CXCL13: variants seen among roughly 807,000 people sequenced by gnomAD.
The protein encoded by CXCL13 is C-X-C motif chemokine ligand 13, also known as C-X-C motif chemokine 13.
A neutral mutation model predicts 12.2 loss-of-function variants in CXCL13; 7 were observed. The ratio of observed to expected loss-of-function variants is 0.57; its 90% CI spans 0.33 to 1.07. The LOEUF is 1.07. Ranked by LOEUF, CXCL13 falls within the 50% of genes least tolerant of loss-of-function variation. The pLI is 0.04. For missense variants in CXCL13, 113 were observed against 127.4 expected, an observed-to-expected ratio of 0.89 and a Z score of 0.55; for synonymous variants, 47 against 42.4, an observed-to-expected ratio of 1.11 and a Z score of -0.42.
At chr4:77,604,056 T>C (rs1726948712), upstream of CXCL13, among the ~76,000 whole-genome samples, 1 of 152,170 alleles carries the variant, frequency 6.6e-6, no homozygotes, top group Non-Finnish European at 1.5e-5. Context: ...CTCAACTCTC[T>C]CTTAAAGAAA....
At chr4:77,582,119 G>A (rs1315422128) in intron 1 of CXCL13, among the ~76,000 whole-genome samples, 1 of 152,112 alleles carries the variant, frequency 6.6e-6, no homozygotes, top group East Asian at 1.9e-4. Context: ...AAAAGTCGGT[G>A]GAAAGTGGAT....
chr4:77,532,388 G>A (rs1472596758), intron 1 of CXCL13, among the ~76,000 whole-genome samples: 1 of 152,110 alleles, frequency 6.6e-6, no homozygotes, highest in Non-Finnish European at 1.5e-5. Flanking sequence ...CTCTCTTCTG[G>A]CTTATAGAAT....
chr4:77,524,832 G>C (rs1216558003), intron 1 of CXCL13, among the ~76,000 whole-genome samples: 1 of 152,130 alleles, frequency 6.6e-6, no homozygotes, highest in African/African-American at 2.4e-5. Context: ...GACTGGAGCT[G>C]TTCCTATTCA....
rs113567650 is a variant in CXCL13 at position 77,548,269 on chromosome 4, G to A, written c.-43+36481G>A. On this transcript the variant is annotated intron_variant, in intron 1 of 4. Coordinates refer to the CXCL13 transcript ENST00000286758. ...TATTCTGGATTCCAAACTCTCCTGC[G>A]GCCTAAACAGTATTTAGTCTATTGG... Among the ~76,000 whole-genome samples, 396 of 152,238 alleles carry A rather than the reference G, an allele frequency of 2.6e-3. 2 individuals carry two copies. Among genetic ancestry groups the A allele is most frequent in the African/African-American group, 9.0e-3 (372 of 41,544 alleles).
intron 1 of CXCL13, among the ~76,000 whole-genome samples, chr4:77,562,202 C>T (rs531996477): frequency 1.5e-4 from 22 of 147,670 alleles, no homozygotes; most frequent in Middle Eastern, 3.5e-3. Flanking sequence ...CCCCCCGCCC[C>T]GCCTACAGCC....
intron 1 of CXCL13, among the ~76,000 whole-genome samples, chr4:77,567,930 G>A (rs548297443): frequency 1.3e-5 from 2 of 152,262 alleles, no homozygotes; most frequent in East Asian, 1.9e-4. Flanking sequence ...CTCTGCCTAT[G>A]GAGTAGCCAT....
chr4:77,516,638 G>A (rs1470236047), intron 1 of CXCL13, among the ~76,000 whole-genome samples: 1 of 152,096 alleles, frequency 6.6e-6, no homozygotes, highest in Admixed American at 6.6e-5. Flanking sequence ...GTATTTCTGT[G>A]GGATCAGTGG....
At chr4:77,513,455 CTTTT>C (rs574725892) in intron 1 of CXCL13, among the ~76,000 whole-genome samples, 1 of 144,730 alleles carries the variant, frequency 6.9e-6, no homozygotes, top group Non-Finnish European at 1.5e-5. Context: ...TGTTTCCTGA[CTTTT>C]TTTTTTTTTT....
intron 1 of CXCL13, among the ~76,000 whole-genome samples, chr4:77,546,939 GTGTT>G (rs1352297314): frequency 6.6e-6 from 1 of 152,176 alleles, no homozygotes; most frequent in African/African-American, 2.4e-5. Context: ...GGTGCATTGT[GTGTT>G]TGTTCTCATT....
intron 1 of CXCL13, among the ~76,000 whole-genome samples, chr4:77,561,499 T>C (rs1725812438): frequency 6.6e-6 from 1 of 152,254 alleles, no homozygotes; most frequent in Non-Finnish European, 1.5e-5. Flanking sequence ...ATGAAAAACC[T>C]GATACTTAGA....
At chr4:77,567,462 T>C (rs1560528363) in intron 1 of CXCL13, among the ~76,000 whole-genome samples, 1 of 152,182 alleles carries the variant, frequency 6.6e-6, no homozygotes, top group Non-Finnish European at 1.5e-5. Flanking sequence ...CAAAGTCCAG[T>C]CAGAGACTTT....
At chr4:77,578,012 C>A (rs541934607) in intron 1 of CXCL13, among the ~76,000 whole-genome samples, 1 of 152,134 alleles carries the variant, frequency 6.6e-6, no homozygotes, top group Non-Finnish European at 1.5e-5. Context: ...ACTGGGAAAA[C>A]TCAATTTCCC....
At chr4:77,554,630 G>T (rs1306885226) in intron 1 of CXCL13, among the ~76,000 whole-genome samples, 1 of 151,916 alleles carries the variant, frequency 6.6e-6, no homozygotes, top group Non-Finnish European at 1.5e-5. Context: ...ATGCTCCATG[G>T]AACAACAATA....
chr4:77,538,118 G>T (rs1261119918), intron 1 of CXCL13, among the ~76,000 whole-genome samples: 1 of 152,170 alleles, frequency 6.6e-6, no homozygotes, highest in African/African-American at 2.4e-5. Flanking sequence ...AACCCACTGT[G>T]CCTAAAACCA....
chr4:77,538,333 T>C (rs1438454282), intron 1 of CXCL13, among the ~76,000 whole-genome samples: 1 of 151,868 alleles, frequency 6.6e-6, no homozygotes, highest in Non-Finnish European at 1.5e-5. Context: ...TTGTTTTGGT[T>C]TGGTTTTTTT....
intron 1 of CXCL13, among the ~76,000 whole-genome samples, chr4:77,555,483 C>T (rs1725637754): frequency 1.3e-5 from 2 of 151,978 alleles, no homozygotes; most frequent in Non-Finnish European, 2.9e-5. Context: ...AAAGCATGAA[C>T]TTCAACTCTT....
chr4:77,551,504 A>G (rs1258734093), intron 1 of CXCL13, among the ~76,000 whole-genome samples: 1 of 152,184 alleles, frequency 6.6e-6, no homozygotes, highest in African/African-American at 2.4e-5. Context: ...TAGCCTTTGT[A>G]CATGATCTGA....
At chr4:77,546,313 A>G (rs1347970404) in intron 1 of CXCL13, among the ~76,000 whole-genome samples, 3 of 152,194 alleles carry the variant, frequency 2.0e-5, no homozygotes, top group Non-Finnish European at 4.4e-5. Flanking sequence ...GAATAGTTTC[A>G]GAAGTAATGG....
intron 1 of CXCL13, among the ~76,000 whole-genome samples, chr4:77,571,503 C>A (rs1020707851): frequency 6.6e-6 from 1 of 151,822 alleles, no homozygotes; most frequent in Non-Finnish European, 1.5e-5. Flanking sequence ...TGTGAATGCA[C>A]CAATCGACAC....
Sources: allele counts gnomAD v4.1 joint callset (sites outside exome capture counted in the v4.1 genomes callset), GRCh38; gene constraint gnomAD v4.1.1; transcripts MANE v1.5; gene names NCBI Gene and HGNC (gene_info 2026-07-23, HGNC 2026-07-21).